SH2B3: variants seen among roughly 807,000 people sequenced by gnomAD.
The protein encoded by SH2B3 is SH2B adapter protein 3.
Under a neutral mutation model 51.9 loss-of-function variants are expected in SH2B3, and 43 were observed. The ratio of observed to expected loss-of-function variants is 0.83; its 90% confidence interval spans 0.65 to 1.07. The LOEUF (loss-of-function observed/expected upper bound fraction) is 1.07. SH2B3 is among the 50% of genes least tolerant of loss of function. The pLI, the probability that SH2B3 is intolerant of heterozygous loss-of-function variation, is 0.00. For missense variants in SH2B3, 952 were observed against 834.3 expected (o/e 1.14, Z -1.74); for synonymous variants, 396 against 376.0 (o/e 1.05, Z -0.62).
At position 111,442,155 on chromosome 12, in the gene SH2B3, T is replaced by C. The variant is rs528474327; in HGVS notation, c.733-4598T>C. Among the ~76,000 whole-genome samples the C allele has an allele frequency of 6.0e-4, 92 of 152,324 alleles. 1 individual carries two copies. Among genetic ancestry groups the C allele is most frequent in the Middle Eastern group, 3.4e-3 (1 of 294 alleles). ...TCCCGGCAGCATCCACTTCAGGTTC[T>C]GGGCTGGGGTGAGGGATCAGCCATC... On this transcript the variant is annotated intron_variant, in intron 2 of 7. Coordinates refer to ENST00000341259, the MANE Select transcript of SH2B3 (RefSeq NM_005475.3).
Position 111,447,351 on chromosome 12 carries a change from T to C in SH2B3, c.1043T>C (p.Leu348Pro). The change falls in exon 6 of 8, where the codon CTG (leucine) becomes CCG (proline). Residue 348 changes from leucine (L) to proline (P), a missense_variant. Physicochemically the swap from Leu to Pro is moderately conservative, Grantham distance 98. Transcript: ENST00000341259. ...LNQGASPGGL[L>P]DPACQKTDHF... is the part of the protein sequence containing the mutation. The stretch of plus-strand genomic sequence containing the variant: ...ACAGGTGCTTCTCCTGGGGGGCTGC[T>C]GGACCCGGCCTGCCAGAAGACGGAC... The C allele has an allele frequency of 6.2e-7, 1 of 1,614,034 alleles. No individual in the cohort carries two copies. Among genetic ancestry groups the C allele is most frequent in the Non-Finnish European group, 8.5e-7 (1 of 1,179,946 alleles).
At chr12:111,413,350 T>C (rs1870844253) in intron 1 of SH2B3, among the ~76,000 whole-genome samples, 1 of 152,194 alleles carries the variant, frequency 6.6e-6, no homozygotes, top group Non-Finnish European at 1.5e-5. Context: ...CAGTGAGCTA[T>C]GATTGTGCCA....
Position 111,435,776 on chromosome 12 carries a change from C to T in SH2B3, c.733-10977C>T, listed in dbSNP as rs904879836. ...CGTCCATGGCCTTGTGGTGGCGAGGCGCAGAAGGCGTCACCTGAAAAAGGT... is the reference window on the plus strand; with the variant it reads ...CGTCCATGGCCTTGTGGTGGCGAGGTGCAGAAGGCGTCACCTGAAAAAGGT... On this transcript the variant is annotated intron_variant, in intron 2 of 7. Coordinates refer to ENST00000341259, the MANE Select transcript of SH2B3 (RefSeq NM_005475.3). This position sits in a 1 kb window ranked among gnomAD's most constrained non-coding sequence, Gnocchi z 4.8. 7.9e-5 allele frequency among the ~76,000 whole-genome samples: 12 copies of T among 152,114 alleles called. No homozygotes were observed. Among genetic ancestry groups the T allele is most frequent in the Admixed American group, 6.5e-4 (10 of 15,280 alleles).
chr12:111,421,434 A>G (rs1593042353), intron 2 of SH2B3, among the ~76,000 whole-genome samples: 4 of 124,434 alleles, frequency 3.2e-5, no homozygotes, highest in African/African-American at 6.7e-5. Flanking sequence ...TTTTGAGACA[A>G]GGTCTCGCTC....
At chr12:111,405,512 G>T (rs1000052739), upstream of SH2B3, among the ~76,000 whole-genome samples, 11 of 152,188 alleles carry the variant, frequency 7.2e-5, no homozygotes, top group Admixed American at 2.0e-4. The surrounding 1 kb of genome is among the most constrained non-coding windows in gnomAD (Gnocchi z 5.4). Context: ...CCTCGACCCT[G>T]CCCGCCCTAG....
Position 111,448,389 on chromosome 12 carries a change from C to A in SH2B3, c.*87C>A. ...TGTGAATGTAATTGATCTTTCCTTC[C>A]TTCCAGAGAAAGATTTAAGGGACAC... is the stretch of plus-strand genomic sequence containing the variant. On this transcript the variant is annotated 3_prime_UTR_variant, in exon 8 of 8. Transcript: ENST00000341259. 9.7e-7 allele frequency: 1 copy of A among 1,032,618 alleles called. No homozygotes were observed. The highest frequency in any genetic ancestry group is 1.4e-6 in the Non-Finnish European group (1 of 708,334). The allele number at this position is 1,032,618 out of a possible 1,614,324, so 64.0% of individuals were successfully genotyped here.
intron 1 of SH2B3, among the ~76,000 whole-genome samples, chr12:111,413,786 G>A (rs1281763980): frequency 6.6e-6 from 1 of 152,250 alleles, no homozygotes; most frequent in East Asian, 1.9e-4. Context: ...AGATGAAGCA[G>A]GGAATGACTC....
At chr12:111,432,187 GA>G (rs1265512385) in intron 2 of SH2B3, among the ~76,000 whole-genome samples, 1 of 151,324 alleles carries the variant, frequency 6.6e-6, no homozygotes, top group African/African-American at 2.4e-5. Context: ...GAGTAGCCAG[GA>G]TTACAGGCAT....
chr12:111,428,217 G>T (rs1056897598), intron 2 of SH2B3, among the ~76,000 whole-genome samples: 1 of 152,226 alleles, frequency 6.6e-6, no homozygotes, highest in South Asian at 2.1e-4. Context: ...AGAGGACTCT[G>T]CCTGGCACAT....
chr12:111,410,256 G>T lies in SH2B3; in HGVS notation c.-28+3979G>T, dbSNP rs1308026918. Among the ~76,000 whole-genome samples, 6 of 152,212 alleles carry T rather than the reference G, an allele frequency of 3.9e-5. 1 individual carries two copies. The highest frequency in any genetic ancestry group is 3.9e-4 in the Admixed American group (6 of 15,282). On this transcript the variant is annotated intron_variant, in intron 1 of 7. Transcript: ENST00000341259. The surrounding 1 kb of genome is among the most constrained non-coding windows in gnomAD (Gnocchi z 4.9). ...CTGACATGGGATCTGCCCTTTCAGA[G>T]CTCACACACTGGTGTCATCTCAAGG... is the stretch of plus-strand genomic sequence containing the variant.
At chr12:111,414,627 C>T (rs1174871217) in intron 1 of SH2B3, among the ~76,000 whole-genome samples, 1 of 152,072 alleles carries the variant, frequency 6.6e-6, no homozygotes, top group Non-Finnish European at 1.5e-5. Flanking sequence ...TGCATGGCCC[C>T]CTTCCATCGA....
chr12:111,417,570 G>A (rs1376252364), intron 1 of SH2B3, among the ~76,000 whole-genome samples: 2 of 151,534 alleles, frequency 1.3e-5, no homozygotes, highest in African/African-American at 4.9e-5. Flanking sequence ...ACTTCCTCAG[G>A]CTCCCAAGTA....
chr12:111,422,001 C>T (rs1187523909), intron 2 of SH2B3, among the ~76,000 whole-genome samples: 1 of 152,212 alleles, frequency 6.6e-6, no homozygotes, highest in Admixed American at 6.5e-5. Flanking sequence ...CATTTTGTGT[C>T]CCACCGGCAG....
chr12:111,439,483 A>C (rs1022838772), intron 2 of SH2B3, among the ~76,000 whole-genome samples: 18 of 151,734 alleles, frequency 1.2e-4, no homozygotes, highest in African/African-American at 4.1e-4. Context: ...ACAGGGTTTC[A>C]CCATATTGGC....
chr12:111,419,499 A>G (rs933944228), intron 2 of SH2B3, among the ~76,000 whole-genome samples: 1 of 152,078 alleles, frequency 6.6e-6, no homozygotes, highest in African/African-American at 2.4e-5. Flanking sequence ...TTAGCTGAGC[A>G]CAGTGGCGCA....
intron 2 of SH2B3, among the ~76,000 whole-genome samples, chr12:111,439,426 A>C (rs1027469546): frequency 5.9e-5 from 9 of 152,160 alleles, no homozygotes; most frequent in African/African-American, 2.2e-4. Context: ...CTGGGATTAC[A>C]GGTGTGAGCC....
In SH2B3 at chr12:111,418,757, C is replaced by G. The variant is rs1386304378; in HGVS notation, c.612C>G (p.Ser204Arg). The change falls in exon 2 of 8, where the codon AGC becomes AGG. Residue 204 changes from serine (S) to arginine (R), a missense_variant. Ser to Arg is a moderately radical substitution (Grantham distance 110, BLOSUM62 -1). Transcript: ENST00000341259. The surrounding 1 kb of genome is among the most constrained non-coding windows in gnomAD (Gnocchi z 6.7). ...TGAAGGAGGCGGTGCTGCGCTACAGCCTGGCCGACGAGGCCTCCATGGACA... is the reference window on the plus strand; with the variant it reads ...TGAAGGAGGCGGTGCTGCGCTACAGGCTGGCCGACGAGGCCTCCATGGACA... ...EALKEAVLRYSLADEASMDSG... is the reference protein window; with the variant it reads ...EALKEAVLRYRLADEASMDSG... 6.8e-7 allele frequency: 1 copy of G among 1,480,442 alleles called. No individual in the cohort carries two copies. 91.7% of individuals were successfully genotyped at this position (1,480,442 alleles called of 1,614,324 possible). A position where few individuals can be genotyped will look rare whatever the true frequency, so the allele number is the denominator to read the frequency against.
Position 111,448,051 on chromosome 12 carries a change from G to T in SH2B3, c.1477G>T (p.Gly493Cys), listed in dbSNP as rs1342204404. 2.0e-5 allele frequency: 32 copies of T among 1,613,504 alleles called. No homozygotes were observed. Among genetic ancestry groups the T allele is most frequent in the Non-Finnish European group, 2.5e-5 (30 of 1,179,652 alleles). Reference sequence around the variant, plus strand: ...GGATTCAGAGTCCCTTCCTCACTGGGGTTCAGAGTTGGGCCTTCCCCACCT... The same window carrying T: ...GGATTCAGAGTCCCTTCCTCACTGGTGTTCAGAGTTGGGCCTTCCCCACCT... ...HWDSESLPHW[G>C]SELGLPHLSS... The change falls in exon 8 of 8, where the codon GGT (glycine) becomes TGT (cysteine). Residue 493 changes from glycine (G) to cysteine (C), a missense_variant. Gly to Cys is a radical substitution (Grantham distance 159). Transcript: ENST00000341259.
chr12:111,424,567 C>T (rs931727274), intron 2 of SH2B3, among the ~76,000 whole-genome samples: 2 of 152,130 alleles, frequency 1.3e-5, no homozygotes, highest in African/African-American at 4.8e-5. Context: ...TCCCAGAGGG[C>T]TTTGCCGTAG....
Sources: allele counts gnomAD v4.1 joint callset (sites outside exome capture counted in the v4.1 genomes callset), GRCh38; gene constraint gnomAD v4.1.1; non-coding constraint Gnocchi (gnomAD v3.1); transcripts MANE v1.5; gene names NCBI Gene and HGNC (gene_info 2026-07-23, HGNC 2026-07-21).